The following ECM2 variants were observed in gnomAD, a reference collection of about 807,000 sequenced individuals.
ECM2 encodes the protein extracellular matrix protein 2, female organ and adipocyte specific.
In ECM2, 57 loss-of-function variants were observed where a neutral mutation model predicts 67.5. That is an observed-to-expected ratio of 0.84 (90% CI 0.68 to 1.05). The LOEUF is 1.05. Among genes scored for constraint, ECM2 ranks in the 50% least tolerant of loss-of-function variants. ECM2 has a pLI of 0.00. For missense variants in ECM2, 741 were observed against 822.8 expected (o/e 0.90, Z 1.22); for synonymous variants, 258 against 294.5 (o/e 0.88, Z 1.27).
chr9:92,535,814 A>C (rs1849134960), intron 1 of ECM2, 119 bp downstream of exon 1: 1 of 313,754 alleles, frequency 3.2e-6, no homozygotes, highest in Non-Finnish European at 6.1e-6. Flanking sequence ...TTTGAACTTT[A>C]AAAATCTATT....
At chr9:92,510,167 C>G in intron 5 of ECM2, 133 bp from the exon 6 acceptor site, 6 of 897,588 alleles carry the variant, frequency 6.7e-6, no homozygotes, top group Non-Finnish European at 9.5e-6. Flanking sequence ...CCAGGCCACA[C>G]AGCAAACCCC....
chr9:92,517,575 G>A lies in ECM2; in HGVS notation c.481+112C>T, dbSNP rs541233106. The A allele has an allele frequency of 4.3e-6, 6 of 1,398,836 alleles. No homozygotes were observed. The East Asian group carries it at 1.4e-4, about 32-fold the overall frequency. The allele number at this position is 1,398,836 out of a possible 1,614,324, so 86.7% of individuals were successfully genotyped here. On this transcript the variant is annotated intron_variant, in intron 3 of 9. Coordinates refer to ENST00000344604, the MANE Select transcript of ECM2 (RefSeq NM_001393.4). ...AATCAGCATTTTGCCAATATTTTAA[G>A]TACTCAGATCTGACTAATGTATCAT...
chr9:92,495,968 A>G lies in ECM2; in HGVS notation c.*347T>C. ...AGATACATAATTTTTAAAGGGACTTACAGAGTTCTCAGCTAACACCAGTAT... is the reference window on the plus strand; with the variant it reads ...AGATACATAATTTTTAAAGGGACTTGCAGAGTTCTCAGCTAACACCAGTAT... On this transcript the variant is annotated 3_prime_UTR_variant, in exon 10 of 10. Transcript: ENST00000344604. The G allele has an allele frequency of 2.0e-6, 2 of 989,380 alleles. No homozygotes were observed. Among genetic ancestry groups the G allele is most frequent in the Non-Finnish European group, 2.4e-6 (2 of 832,732 alleles). The allele number at this position is 989,380 out of a possible 1,614,324, so 61.3% of individuals were successfully genotyped here.
intron 4 of ECM2, among the ~76,000 whole-genome samples, chr9:92,513,132 T>A (rs1395850889): frequency 6.6e-6 from 1 of 152,160 alleles, no homozygotes; most frequent in South Asian, 2.1e-4. Context: ...CCCAGACGAA[T>A]GCTCCTGCTG....
chr9:92,499,623 T>G (rs1284303919), intron 9 of ECM2, among the ~76,000 whole-genome samples: 1 of 152,222 alleles, frequency 6.6e-6, no homozygotes, highest in Non-Finnish European at 1.5e-5. Flanking sequence ...ATGAAGCATA[T>G]GGCACAACCT....
chr9:92,542,883 ATTTCT>A, the ECM2 span, among the ~76,000 whole-genome samples: 1 of 152,090 alleles, frequency 6.6e-6, no homozygotes, highest in East Asian at 1.9e-4. Context: ...TTTTGAGTTG[ATTTCT>A]GTTTATGGTG....
intron 2 of ECM2, among the ~76,000 whole-genome samples, chr9:92,519,986 A>G (rs899583273): frequency 7.0e-6 from 1 of 143,298 alleles, no homozygotes; most frequent in African/African-American, 2.8e-5. Flanking sequence ...TGCAATAAAA[A>G]AATGGGCAAA....
At chr9:92,512,631 G>C (rs1193403157) in intron 4 of ECM2, among the ~76,000 whole-genome samples, 1 of 152,198 alleles carries the variant, frequency 6.6e-6, no homozygotes, top group Non-Finnish European at 1.5e-5. Context: ...GACTCTCTCA[G>C]ATCTAATGTT....
chr9:92,516,072 T>TCCCCCCCCCCCCC (rs76297691), intron 3 of ECM2, among the ~76,000 whole-genome samples: 1 of 139,788 alleles, frequency 7.2e-6, no homozygotes, highest in Non-Finnish European at 1.6e-5. Context: ...TACTTTTTTT[T>TCCCCCCCCCCCCC]CCCCCCCCCG....
At position 92,496,011 on chromosome 9, in the gene ECM2, G is replaced by T. The variant is rs1375349261; in HGVS notation, c.*304C>A. ...ACCAGTATTCAAGTTGATTATAAAGGCTGTGTTTATTTTGTTCCAGACTCT... is the reference window on the plus strand; with the variant it reads ...ACCAGTATTCAAGTTGATTATAAAGTCTGTGTTTATTTTGTTCCAGACTCT... On this transcript the variant is annotated 3_prime_UTR_variant, in exon 10 of 10. Coordinates refer to ENST00000344604, the MANE Select transcript of ECM2 (RefSeq NM_001393.4). The T allele has an allele frequency of 1.0e-6, 1 of 1,004,576 alleles. No homozygotes were observed. The highest frequency in any genetic ancestry group is 1.2e-6 in the Non-Finnish European group (1 of 843,288). 62.2% of individuals were successfully genotyped at this position (1,004,576 alleles called of 1,614,324 possible). A position where few individuals can be genotyped will look rare whatever the true frequency, so the allele number is the denominator to read the frequency against.
chr9:92,494,766 G>A, downstream of ECM2, among the ~76,000 whole-genome samples: 1 of 152,104 alleles, frequency 6.6e-6, no homozygotes, highest in Non-Finnish European at 1.5e-5. Context: ...CATTAGCGGG[G>A]AGTGGTGACG....
At chr9:92,505,823 C>T in intron 6 of ECM2, 133 bp from the exon 7 acceptor site, 1 of 690,518 alleles carries the variant, frequency 1.4e-6, no homozygotes, top group Non-Finnish European at 2.4e-6. Context: ...ACCTTTGTAT[C>T]CTCCTATAAA....
the ECM2 span, among the ~76,000 whole-genome samples, chr9:92,545,357 G>A: frequency 6.6e-6 from 1 of 152,324 alleles, no homozygotes; most frequent in African/African-American, 2.4e-5. Context: ...GGCGGGCCCC[G>A]TACTGGGAGC....
At chr9:92,526,968 T>A (rs1482684113) in intron 1 of ECM2, among the ~76,000 whole-genome samples, 2 of 152,266 alleles carry the variant, frequency 1.3e-5, no homozygotes, top group Non-Finnish European at 2.9e-5. Context: ...TTAGACCATA[T>A]TCTTACCATA....
chr9:92,513,532 A>C (rs574037777), intron 4 of ECM2, among the ~76,000 whole-genome samples: 1 of 152,298 alleles, frequency 6.6e-6, no homozygotes, highest in South Asian at 2.1e-4. Flanking sequence ...ATCACCCCAA[A>C]CTGGAAACAA....
intron 6 of ECM2, among the ~76,000 whole-genome samples, 185 bp from the exon 7 acceptor site, chr9:92,505,875 A>G (rs1401288665): frequency 1.3e-5 from 2 of 152,178 alleles, no homozygotes; most frequent in Non-Finnish European, 2.9e-5. Flanking sequence ...TGCTCAATTC[A>G]ACCAGAACTA....
rs2131222382 is a variant in ECM2, at chr9:92,517,771, A to G, written c.397T>C (p.Cys133Arg). The change falls in exon 3 of 10, where the codon TGT becomes CGT. Residue 133 changes from cysteine to arginine, a missense_variant. Transcript: ENST00000344604. ...TGGGGATGGCACATGGTTTCATCAC[A>G]AAGAACTCTTCCATCTGAGCAGAGG... ...TCLCSDGRVLCDETMCHPQRC... is the reference protein window; with the variant it reads ...TCLCSDGRVLRDETMCHPQRC... 6.2e-7 allele frequency: 1 copy of G among 1,614,236 alleles called. No individual in the cohort carries two copies. The highest frequency in any genetic ancestry group is 8.5e-7 in the Non-Finnish European group (1 of 1,180,046).
In ECM2 at chr9:92,496,479, T is replaced by C. The variant is rs1277848276; in HGVS notation, c.1936A>G (p.Ile646Val). The C allele has an allele frequency of 4.4e-6, 7 of 1,608,694 alleles. No homozygotes were observed. The highest frequency in any genetic ancestry group is 5.9e-6 in the Non-Finnish European group (7 of 1,178,884). ...LRLNNNKIRN[I>V]LPEEICNAEE... ...GCATTGCAAATTTCTTCTGGAAGAA[T>C]GTTCCTAAGGAAAAATAGACATGCA... The change falls in exon 10 of 10, where the codon ATT becomes GTT. Residue 646 changes from isoleucine (I) to valine (V), a missense_variant. Physicochemically the swap from Ile to Val is conservative, Grantham distance 29. Coordinates refer to ENST00000344604, the MANE Select transcript of ECM2 (RefSeq NM_001393.4).
intron 1 of ECM2, among the ~76,000 whole-genome samples, chr9:92,533,328 A>AAAAAAATAT (rs1554683138): frequency 5.2e-5 from 2 of 38,332 alleles, no homozygotes; most frequent in Non-Finnish European, 4.3e-5. Context: ...AAAAAAAAAA[A>AAAAAAATAT]ATATATATAT....
Sources: gnomAD v4.1 joint callset for allele counts (sites outside exome capture counted in the v4.1 genomes callset) on GRCh38, gnomAD v4.1.1 for gene constraint, MANE v1.5 for transcripts, NCBI Gene and HGNC (gene_info 2026-07-23, HGNC 2026-07-21) for gene names.